Variants in PDE3B observed in about 807,000 individuals in gnomAD.
The protein encoded by PDE3B is phosphodiesterase 3B.
Under a neutral mutation model 116.8 loss-of-function variants are expected in PDE3B, and 66 were observed. The ratio of observed to expected loss-of-function variants is 0.56; its 90% confidence interval spans 0.46 to 0.69. The LOEUF is 0.69. Among genes scored for constraint, PDE3B ranks in the 30% least tolerant of loss-of-function variants. The pLI is 0.00. For missense variants in PDE3B, 1,384 were observed against 1,368.1 expected (o/e 1.01, Z -0.18); for synonymous variants, 595 against 533.6 (o/e 1.12, Z -1.59).
chr11:14,802,162 C>G (rs1452624271), intron 4 of PDE3B, among the ~76,000 whole-genome samples: 2 of 152,166 alleles, frequency 1.3e-5, no homozygotes, highest in African/African-American at 4.8e-5. Context: ...GCTGGCGTTC[C>G]AGGTGCCCCT....
the PDE3B span, among the ~76,000 whole-genome samples, chr11:14,883,620 A>G: frequency 6.6e-6 from 1 of 152,186 alleles, no homozygotes; most frequent in Admixed American, 6.5e-5. Flanking sequence ...GGAGATAGGC[A>G]TGGGCAAGGA....
At position 14,665,146 on chromosome 11, in the gene PDE3B, A is replaced by T. The variant is rs552861129; in HGVS notation, c.978+20093A>T. On this transcript the variant is annotated intron_variant, in intron 1 of 15. Coordinates refer to ENST00000282096, the MANE Select transcript of PDE3B (RefSeq NM_000922.4). The stretch of plus-strand genomic sequence containing the variant: ...ATCAATAAATGTAATCCAGCATATA[A>T]ACAGAACCAAAGACAAAAACCACAT... Among the ~76,000 whole-genome samples, 759 of 152,320 alleles carry T rather than the reference A, an allele frequency of 5.0e-3. 10 individuals are homozygous for T. The highest frequency in any genetic ancestry group is 0.018 in the African/African-American group (740 of 41,564).
At chr11:14,660,721 A>G (rs764546665) in intron 1 of PDE3B, among the ~76,000 whole-genome samples, 10 of 152,212 alleles carry the variant, frequency 6.6e-5, no homozygotes, top group Non-Finnish European at 1.5e-4. Flanking sequence ...TGAAGTGCTT[A>G]TAATAGCTGC....
At chr11:14,761,535 A>G (rs572676024) in intron 1 of PDE3B, among the ~76,000 whole-genome samples, 6 of 152,250 alleles carry the variant, frequency 3.9e-5, no homozygotes, top group African/African-American at 1.4e-4. Context: ...CTCAAAATGT[A>G]GTGTTAATTT....
At chr11:14,891,366 T>C in the PDE3B span, 1 of 985,420 alleles carries the variant, frequency 1.0e-6, no homozygotes, top group Admixed American at 6.1e-5. Flanking sequence ...GGCATTACCA[T>C]CTGCGCTGTA....
At chr11:14,668,880 G>T (rs545761145) in intron 1 of PDE3B, among the ~76,000 whole-genome samples, 3 of 149,952 alleles carry the variant, frequency 2.0e-5, no homozygotes, top group African/African-American at 7.4e-5. Flanking sequence ...TTTGGAAGCT[G>T]TTTGTCTCGG....
intron 1 of PDE3B, among the ~76,000 whole-genome samples, chr11:14,745,066 C>T (rs1856874706): frequency 6.6e-6 from 1 of 152,040 alleles, no homozygotes; most frequent in South Asian, 2.1e-4. Flanking sequence ...ATCAAGCGAT[C>T]CTCCCACCTC....
chr11:14,699,981 A>C (rs1487189040), intron 1 of PDE3B, among the ~76,000 whole-genome samples: 2 of 151,744 alleles, frequency 1.3e-5, no homozygotes. Context: ...GCTTTTAATG[A>C]TCTTTTGTTA....
chr11:14,801,272 C>A (rs1483115723), intron 4 of PDE3B, among the ~76,000 whole-genome samples: 7 of 152,152 alleles, frequency 4.6e-5, no homozygotes, highest in Non-Finnish European at 5.9e-5. Flanking sequence ...GCTGGTTTCT[C>A]CCCATCTTTG....
intron 15 of PDE3B, 117 bp downstream of exon 15, chr11:14,867,875 C>G (rs1848077061): frequency 1.3e-6 from 1 of 764,400 alleles, no homozygotes; most frequent in Non-Finnish European, 2.1e-6. Flanking sequence ...CAGCATGGTG[C>G]TCAAAGGAAA....
intron 1 of PDE3B, among the ~76,000 whole-genome samples, chr11:14,706,907 A>G (rs1285937172): frequency 1.3e-5 from 2 of 151,876 alleles, no homozygotes; most frequent in Non-Finnish European, 2.9e-5. Flanking sequence ...TAGACATCTG[A>G]TAAGTGTCAA....
chr11:14,708,082 C>G (rs1381140781), intron 1 of PDE3B, among the ~76,000 whole-genome samples: 1 of 151,890 alleles, frequency 6.6e-6, no homozygotes, highest in Non-Finnish European at 1.5e-5. Flanking sequence ...GAGGAAGGGC[C>G]TAAAGGGAGA....
chr11:14,714,341 G>T (rs1855805772), intron 1 of PDE3B, among the ~76,000 whole-genome samples: 1 of 151,854 alleles, frequency 6.6e-6, no homozygotes, highest in Admixed American at 6.6e-5. Flanking sequence ...TCTCTTAGTG[G>T]ACCTAAGTTA....
chr11:14,878,881 G>A, the PDE3B span, among the ~76,000 whole-genome samples: 1 of 152,026 alleles, frequency 6.6e-6, no homozygotes, highest in African/African-American at 2.4e-5. Flanking sequence ...AGATTTAGAA[G>A]AAGCCAGGGG....
intron 1 of PDE3B, among the ~76,000 whole-genome samples, chr11:14,688,115 C>CTT (rs1310289274): frequency 3.0e-3 from 155 of 51,044 alleles, no homozygotes; most frequent in South Asian, 0.014. Flanking sequence ...CTCTCTCTTT[C>CTT]TCTCTCTCTC....
At chr11:14,850,364 G>A (rs1163834696) in intron 12 of PDE3B, among the ~76,000 whole-genome samples, 6 of 152,086 alleles carry the variant, frequency 3.9e-5, no homozygotes, top group East Asian at 1.9e-4. Context: ...GGGAGGGATA[G>A]CTTTAGGAGA....
chr11:14,892,338 G>A, the PDE3B span: 1 of 840,664 alleles, frequency 1.2e-6, no homozygotes, highest in Non-Finnish European at 1.9e-6. Flanking sequence ...GACTGAGTGA[G>A]CGCTCAGGCC....
intron 1 of PDE3B, among the ~76,000 whole-genome samples, chr11:14,689,569 A>G (rs1352825086): frequency 2.0e-5 from 3 of 152,156 alleles, no homozygotes; most frequent in Non-Finnish European, 2.9e-5. Flanking sequence ...AGACTGAAAA[A>G]AAAGAGTGTA....
the PDE3B span, among the ~76,000 whole-genome samples, chr11:14,883,832 T>C: frequency 6.6e-6 from 1 of 151,746 alleles, no homozygotes; most frequent in Non-Finnish European, 1.5e-5. Flanking sequence ...TCAAACAAAT[T>C]TACAAGAAAA....
Sources: gnomAD v4.1 joint callset for allele counts (sites outside exome capture counted in the v4.1 genomes callset) on GRCh38, gnomAD v4.1.1 for gene constraint, MANE v1.5 for transcripts, NCBI Gene and HGNC (gene_info 2026-07-23, HGNC 2026-07-21) for gene names.